Variants in PDE10A observed in about 807,000 individuals in gnomAD.
PDE10A encodes cAMP and cAMP-inhibited cGMP 3',5'-cyclic phosphodiesterase 10A.
In PDE10A, 39 loss-of-function variants were observed where a neutral mutation model predicts 97.7. The ratio of observed to expected loss-of-function variants is 0.40; its 90% CI spans 0.31 to 0.52. The LOEUF (loss-of-function observed/expected upper bound fraction) is 0.52. Ranked by LOEUF, PDE10A falls within the 20% of genes least tolerant of loss-of-function variation. The pLI, the probability that PDE10A is intolerant of heterozygous loss-of-function variation, is 0.56. For missense variants in PDE10A, 731 were observed against 1,047.8 expected, an observed-to-expected ratio of 0.70 and a Z score of 4.17; for synonymous variants, 371 against 376.8, an observed-to-expected ratio of 0.98 and a Z score of 0.18.
chr6:165,538,633 C>A (rs530882245), intron 2 of PDE10A, among the ~76,000 whole-genome samples: 98 of 152,106 alleles, frequency 6.4e-4, no homozygotes, highest in Non-Finnish European at 1.1e-3. Context: ...CCGACACTGT[C>A]AACTCACAAT....
intron 1 of PDE10A, among the ~76,000 whole-genome samples, chr6:165,725,952 C>A (rs1253485874): frequency 1.3e-5 from 2 of 152,178 alleles, no homozygotes; most frequent in African/African-American, 4.8e-5. Context: ...CCACTTGGCG[C>A]AGTGCAGGAC....
intron 1 of PDE10A, among the ~76,000 whole-genome samples, chr6:165,601,210 T>A (rs1583623820): frequency 6.6e-6 from 1 of 152,336 alleles, no homozygotes; most frequent in East Asian, 1.9e-4. Flanking sequence ...GAAGTGTCTT[T>A]CACCTCCTGC....
intron 1 of PDE10A, among the ~76,000 whole-genome samples, chr6:165,673,396 ATTGTT>A (rs1790703165): frequency 6.6e-6 from 1 of 152,210 alleles, no homozygotes; most frequent in South Asian, 2.1e-4. Context: ...CAAGATTTTA[ATTGTT>A]TTATTTTGTG....
intron 1 of PDE10A, among the ~76,000 whole-genome samples, chr6:165,848,198 A>G (rs961832749): frequency 1.7e-4 from 26 of 152,280 alleles, no homozygotes; most frequent in African/African-American, 6.3e-4. Flanking sequence ...TCATTCTACA[A>G]GCACTTACTG....
intron 1 of PDE10A, among the ~76,000 whole-genome samples, chr6:165,846,237 G>C (rs1293329672): frequency 6.6e-6 from 1 of 152,208 alleles, no homozygotes; most frequent in Non-Finnish European, 1.5e-5. Context: ...CTGTGGAATA[G>C]GGGCCATGAG....
chr6:165,644,023 C>T (rs1032613326), intron 1 of PDE10A, among the ~76,000 whole-genome samples: 11 of 152,060 alleles, frequency 7.2e-5, no homozygotes, highest in Non-Finnish European at 1.6e-4. Context: ...GACTGGCAGA[C>T]CTGTTGTCAG....
chr6:165,732,317 G>A (rs1323923762), intron 1 of PDE10A, among the ~76,000 whole-genome samples: 1 of 152,218 alleles, frequency 6.6e-6, no homozygotes, highest in Non-Finnish European at 1.5e-5. Flanking sequence ...TGATGGTGTA[G>A]GGAGAAGTCA....
At chr6:165,541,445 A>C (rs899918785) in intron 2 of PDE10A, among the ~76,000 whole-genome samples, 9 of 152,246 alleles carry the variant, frequency 5.9e-5, no homozygotes, top group Middle Eastern at 3.2e-3. Flanking sequence ...ATAGAAAACA[A>C]AGATTTGGGA....
chr6:165,743,910 G>C (rs923454151), intron 1 of PDE10A, among the ~76,000 whole-genome samples: 1 of 152,194 alleles, frequency 6.6e-6, no homozygotes, highest in African/African-American at 2.4e-5. Flanking sequence ...TGTAGGACAC[G>C]GACAGATGGA....
chr6:165,381,631 A>ATTTTTTTTTTTTTTTTT (rs547827126), intron 17 of PDE10A, among the ~76,000 whole-genome samples: 6 of 118,686 alleles, frequency 5.1e-5, no homozygotes, highest in Non-Finnish European at 8.4e-5. Flanking sequence ...CACCTGGCTA[A>ATTTTTTTTTTTTTTTTT]TTTTTTTTTT....
chr6:165,956,372 G>T (rs1784135035), intron 1 of PDE10A, among the ~76,000 whole-genome samples: 2 of 152,184 alleles, frequency 1.3e-5, no homozygotes, highest in South Asian at 2.1e-4. Context: ...CTATTTAGGT[G>T]ACTTGATTTT....
chr6:165,479,653 A>G (rs1779489712), intron 3 of PDE10A, among the ~76,000 whole-genome samples: 1 of 152,102 alleles, frequency 6.6e-6, no homozygotes, highest in Non-Finnish European at 1.5e-5. Context: ...ACATCCATAA[A>G]TTTTCTGAAC....
chr6:165,821,564 G>A (rs577729500), intron 1 of PDE10A, among the ~76,000 whole-genome samples: 1 of 152,164 alleles, frequency 6.6e-6, no homozygotes, highest in Admixed American at 6.5e-5. Context: ...CTCCAGGCGG[G>A]AGTGCAGTGG....
At chr6:165,530,040 T>C (rs1051378081) in intron 2 of PDE10A, among the ~76,000 whole-genome samples, 2 of 152,052 alleles carry the variant, frequency 1.3e-5, no homozygotes, top group African/African-American at 4.8e-5. Flanking sequence ...TCTAATCAGC[T>C]TCCAGCAAAT....
At chr6:165,658,877 T>A (rs1790094677) in intron 1 of PDE10A, among the ~76,000 whole-genome samples, 1 of 152,224 alleles carries the variant, frequency 6.6e-6, no homozygotes, top group Non-Finnish European at 1.5e-5. Flanking sequence ...GTAAGGGCAC[T>A]GGGCATGGTG....
intron 1 of PDE10A, among the ~76,000 whole-genome samples, chr6:165,876,652 T>C (rs1189786717): frequency 6.6e-6 from 1 of 152,236 alleles, no homozygotes; most frequent in Non-Finnish European, 1.5e-5. Context: ...GGAATATTAC[T>C]TATTGGGGAC....
chr6:165,827,302 G>GT (rs1449565733), intron 1 of PDE10A, among the ~76,000 whole-genome samples: 2 of 152,222 alleles, frequency 1.3e-5, no homozygotes, highest in African/African-American at 2.4e-5. Context: ...AGGTGCAGGG[G>GT]TGACGCGGGG....
chr6:165,386,218 C>A (rs1351645726), intron 17 of PDE10A, among the ~76,000 whole-genome samples: 1 of 152,110 alleles, frequency 6.6e-6, no homozygotes, highest in Non-Finnish European at 1.5e-5. Flanking sequence ...AGCAACTGGG[C>A]CAAGTCTTCC....
intron 2 of PDE10A, among the ~76,000 whole-genome samples, chr6:165,501,127 G>A (rs1267960166): frequency 2.6e-5 from 4 of 152,004 alleles, no homozygotes; most frequent in Admixed American, 6.5e-5. Flanking sequence ...GCTGAGCGCC[G>A]GTACCCTGGG....
Sources: gnomAD v4.1 joint callset for allele counts (sites outside exome capture counted in the v4.1 genomes callset) on GRCh38, gnomAD v4.1.1 for gene constraint, MANE v1.5 for transcripts, NCBI Gene and HGNC (gene_info 2026-07-23, HGNC 2026-07-21) for gene names.